Variants in KCNC2 observed in about 807,000 individuals in gnomAD.
KCNC2 encodes the protein potassium voltage-gated channel subfamily C member 2.
In KCNC2, 21 loss-of-function variants were observed where a neutral mutation model predicts 44.5. That is an observed-to-expected ratio of 0.47 (90% CI 0.33 to 0.68). The LOEUF (loss-of-function observed/expected upper bound fraction) is 0.68. KCNC2 is among the 30% of genes least tolerant of loss of function. The probability of loss-of-function intolerance (pLI) is 0.01; values close to 1 mark genes in which losing one functional copy is unlikely to be tolerated. For missense variants in KCNC2, 589 were observed against 826.2 expected (o/e 0.71, Z 3.52); for synonymous variants, 391 against 339.1 (o/e 1.15, Z -1.68).
intron 2 of KCNC2, among the ~76,000 whole-genome samples, chr12:75,085,483 A>G: frequency 6.6e-6 from 1 of 152,012 alleles, no homozygotes; most frequent in East Asian, 1.9e-4. Context: ...AATGTTTACA[A>G]AACTATGTTG....
intron 2 of KCNC2, among the ~76,000 whole-genome samples, chr12:75,051,713 T>G (rs1451629980): frequency 6.6e-6 from 1 of 152,078 alleles, no homozygotes; most frequent in Admixed American, 6.6e-5. Context: ...TATGATCAAG[T>G]TTTAAACCTT....
chr12:75,084,294 A>AGAT (rs1218678023), intron 2 of KCNC2, among the ~76,000 whole-genome samples: 85 of 122,830 alleles, frequency 6.9e-4, no homozygotes, highest in African/African-American at 2.3e-3. Flanking sequence ...GATAGATGAT[A>AGAT]GATAGATAGA....
chr12:75,064,221 C>A (rs1417174859), intron 2 of KCNC2, among the ~76,000 whole-genome samples: 2 of 151,894 alleles, frequency 1.3e-5, no homozygotes, highest in Non-Finnish European at 2.9e-5. Context: ...CTACTTTATT[C>A]TTTTATTCCC....
intron 2 of KCNC2, among the ~76,000 whole-genome samples, chr12:75,063,495 A>C (rs1882539979): frequency 6.6e-6 from 1 of 152,044 alleles, no homozygotes. Flanking sequence ...TCACCCCGGA[A>C]AAGCCATTAT....
chr12:75,050,440 C>T lies in KCNC2; in HGVS notation c.1565G>A (p.Ser522Asn), dbSNP rs202162135. The change falls in exon 3 of 5, where the codon AGT (serine) becomes AAT (asparagine). Residue 522 changes from serine to asparagine, a missense_variant. Transcript: ENST00000549446. ...ELNMACNSTQSDTCLGKDNRL... is the reference protein window; with the variant it reads ...ELNMACNSTQNDTCLGKDNRL... ...ATTGTCTTTGCCCAGACATGTGTCA[C>T]TCTGTGTACTATTGCAGGCCATATT... The T allele has an allele frequency of 6.0e-5, 96 of 1,613,368 alleles. No homozygotes were observed. The highest frequency in any genetic ancestry group is 7.9e-5 in the Non-Finnish European group (93 of 1,179,684).
chr12:75,101,892 A>T (rs1388611715), intron 2 of KCNC2, among the ~76,000 whole-genome samples: 5 of 152,106 alleles, frequency 3.3e-5, no homozygotes, highest in Non-Finnish European at 7.4e-5. Context: ...CTACATTTAG[A>T]TCACCAAATC....
At chr12:75,088,450 T>C (rs1341391123) in intron 2 of KCNC2, among the ~76,000 whole-genome samples, 1 of 152,076 alleles carries the variant, frequency 6.6e-6, no homozygotes, top group African/African-American at 2.4e-5. Flanking sequence ...ATTGACTACC[T>C]GGATTAATCA....
chr12:75,187,301 T>C, intron 2 of KCNC2, among the ~76,000 whole-genome samples: 1 of 152,236 alleles, frequency 6.6e-6, no homozygotes, highest in Non-Finnish European at 1.5e-5. Flanking sequence ...AGAACACATT[T>C]CTGCTCTAGG....
chr12:75,093,433 C>T (rs1267315030), intron 2 of KCNC2, among the ~76,000 whole-genome samples: 1 of 151,596 alleles, frequency 6.6e-6, no homozygotes, highest in East Asian at 1.9e-4. Context: ...CCCTGAGATG[C>T]AACATCCCTC....
intron 2 of KCNC2, among the ~76,000 whole-genome samples, chr12:75,204,403 C>T (rs2031522698): frequency 6.6e-6 from 1 of 151,882 alleles, no homozygotes; most frequent in Non-Finnish European, 1.5e-5. Context: ...ACAAAAATTA[C>T]AAACAAAGCA....
At chr12:75,090,101 T>C (rs963067146) in intron 2 of KCNC2, among the ~76,000 whole-genome samples, 5 of 151,858 alleles carry the variant, frequency 3.3e-5, no homozygotes, top group South Asian at 2.1e-4. Flanking sequence ...TGCTCCCTTA[T>C]AAGAAGTTCA....
At chr12:75,109,460 T>C (rs925194590) in intron 2 of KCNC2, among the ~76,000 whole-genome samples, 3 of 152,184 alleles carry the variant, frequency 2.0e-5, no homozygotes, top group Admixed American at 6.5e-5. Context: ...AGGGAGCTCA[T>C]GGTTATGTGG....
intron 2 of KCNC2, among the ~76,000 whole-genome samples, chr12:75,163,716 T>C (rs1487970844): frequency 6.6e-6 from 1 of 151,752 alleles, no homozygotes; most frequent in East Asian, 1.9e-4. Context: ...ACACTACACT[T>C]GGAGACTGAT....
intron 2 of KCNC2, among the ~76,000 whole-genome samples, chr12:75,188,558 A>G (rs1297170661): frequency 6.6e-6 from 1 of 152,068 alleles, no homozygotes; most frequent in Non-Finnish European, 1.5e-5. Flanking sequence ...CTGGCAGTAC[A>G]TCCATAAAAA....
chr12:75,208,627 C>A (rs1016698676), intron 1 of KCNC2, among the ~76,000 whole-genome samples: 1 of 149,518 alleles, frequency 6.7e-6, no homozygotes, highest in Non-Finnish European at 1.5e-5. Flanking sequence ...TAGGTCAACC[C>A]CGGACCCCTC....
At chr12:75,052,117 A>G (rs1023189788) in intron 2 of KCNC2, among the ~76,000 whole-genome samples, 1 of 152,106 alleles carries the variant, frequency 6.6e-6, no homozygotes, top group Non-Finnish European at 1.5e-5. Context: ...AGAATAATAA[A>G]AAAAGCACTC....
Position 75,050,879 on chromosome 12 carries a change from G to A in KCNC2, c.1126C>T (p.Arg376Ter), listed in dbSNP as rs200951837. Reference sequence around the variant, plus strand: ...AGCAAAAATTCATTAGTACTAGCTCGAAGAGTATGTCCAAGCACCCTCAGA... The same window carrying A: ...AGCAAAAATTCATTAGTACTAGCTCAAAGAGTATGTCCAAGCACCCTCAGA... ...VGLRVLGHTL[R>*]ASTNEFLLLI... The change falls in exon 3 of 5, where the codon CGA (arginine) becomes TGA (stop). Residue 376 changes from arginine (R) to a stop codon, truncating the protein, a stop_gained. Transcript: ENST00000549446. LOFTEE classifies it high-confidence loss of function. 1.2e-6 allele frequency: 2 copies of A among 1,613,372 alleles called. No individual in the cohort carries two copies. The highest frequency in any genetic ancestry group is 1.7e-6 in the Non-Finnish European group (2 of 1,179,816).
intron 2 of KCNC2, among the ~76,000 whole-genome samples, chr12:75,184,179 G>C (rs1328068539): frequency 6.6e-6 from 1 of 152,090 alleles, no homozygotes; most frequent in Non-Finnish European, 1.5e-5. Context: ...AGCTTTTCTA[G>C]ATGCAAGTTT....
chr12:75,054,552 G>A (rs1421082717), intron 2 of KCNC2, among the ~76,000 whole-genome samples: 1 of 152,094 alleles, frequency 6.6e-6, no homozygotes, highest in Non-Finnish European at 1.5e-5. Flanking sequence ...TTTCTGTTTT[G>A]CTTTCAGCAA....
Sources: allele counts gnomAD v4.1 joint callset (sites outside exome capture counted in the v4.1 genomes callset), GRCh38; gene constraint gnomAD v4.1.1; transcripts MANE v1.5; gene names NCBI Gene and HGNC (gene_info 2026-07-23, HGNC 2026-07-21).